Variants in SLC25A16 observed in about 807,000 individuals in gnomAD.
SLC25A16 encodes the protein solute carrier family 25 member 16.
SLC25A16 carries 39 observed loss-of-function variants against 41.5 expected under a neutral mutation model. The ratio of observed to expected loss-of-function variants is 0.94; its 90% confidence interval spans 0.73 to 1.23. The LOEUF is 1.23. Among genes scored for constraint, SLC25A16 ranks in the 50% most tolerant of loss-of-function variants. The pLI, the probability that SLC25A16 is intolerant of heterozygous loss-of-function variation, is 0.00. For missense variants in SLC25A16, 421 were observed against 426.9 expected (o/e 0.99, Z 0.12); for synonymous variants, 146 against 147.8 (o/e 0.99, Z 0.09).
intron 8 of SLC25A16, among the ~76,000 whole-genome samples, chr10:68,483,966 T>A (rs926789087): frequency 6.6e-6 from 1 of 152,136 alleles, no homozygotes; most frequent in Non-Finnish European, 1.5e-5. Flanking sequence ...GCTCGGCCCA[T>A]AATATTAATT....
In SLC25A16 at chr10:68,482,630, TG is replaced by T. The variant is rs1467213768; in HGVS notation, c.*801del. The stretch of plus-strand genomic sequence containing the variant: ...TATTCAGTATTTTTATTTCTGCCTC[TG>T]GGAAACACACTGACATTTTAAAACA... On this transcript the variant is annotated 3_prime_UTR_variant, in exon 9 of 9. Transcript: ENST00000609923. 1 of 152,260 alleles carries T rather than the reference TG, an allele frequency of 6.6e-6. No homozygotes were observed. Among genetic ancestry groups the T allele is most frequent in the Non-Finnish European group, 1.5e-5 (1 of 68,038 alleles). The allele number at this position is 152,260 out of a possible 1,614,324, so 9.4% of individuals were successfully genotyped here.
chr10:68,527,432 A>G lies in SLC25A16; in HGVS notation c.-57T>C. On this transcript the variant is annotated 5_prime_UTR_variant, in exon 1 of 9. Coordinates refer to ENST00000609923, the MANE Select transcript of SLC25A16 (RefSeq NM_152707.4). ...GCCAACTTACAGAACACCGGACGGG[A>G]CCATAGCCGGAACAGGCGGTGACAG... 1 of 1,407,234 alleles carries G rather than the reference A, an allele frequency of 7.1e-7. No individual in the cohort carries two copies. The highest frequency in any genetic ancestry group is 9.2e-7 in the Non-Finnish European group (1 of 1,088,386). 87.2% of individuals were successfully genotyped at this position (1,407,234 alleles called of 1,614,324 possible). A position where few individuals can be genotyped will look rare whatever the true frequency, so the allele number is the denominator to read the frequency against.
At position 68,496,438 on chromosome 10, in the gene SLC25A16, A is replaced by C. The variant is rs1005417039; in HGVS notation, c.422-2868T>G. 4 of 975,888 alleles carry C rather than the reference A, an allele frequency of 4.1e-6. No homozygotes were observed. In the Admixed American group the frequency reaches 1.8e-4, roughly 45 times the overall value. The allele number at this position is 975,888 out of a possible 1,614,324, so 60.5% of individuals were successfully genotyped here. ...GGCAAATCAGAAACTGCTTACCTTG[A>C]ATAGTGGTGGTAACAGCTTTCTTCT... On this transcript the variant is annotated intron_variant, in intron 4 of 8. Coordinates refer to ENST00000609923, the MANE Select transcript of SLC25A16 (RefSeq NM_152707.4).
At chr10:68,524,693 G>A (rs939347115) in intron 1 of SLC25A16, among the ~76,000 whole-genome samples, 1 of 142,442 alleles carries the variant, frequency 7.0e-6, no homozygotes, top group Non-Finnish European at 1.5e-5. Context: ...GGGCTACATA[G>A]TGAGACTCCA....
intron 2 of SLC25A16, among the ~76,000 whole-genome samples, chr10:68,516,258 T>A (rs2053159585): frequency 6.6e-6 from 1 of 152,156 alleles, no homozygotes; most frequent in Non-Finnish European, 1.5e-5. Context: ...ACCCTACTGC[T>A]GTGTCCAGTT....
rs113535993 is a variant in SLC25A16, at chr10:68,508,097, G to A, written c.224-1379C>T. ...AATACAAAAATTAGGCAGGCATGGTGTCGTGCGCCTGTAATCCCAGCTACT... is the reference window on the plus strand; with the variant it reads ...AATACAAAAATTAGGCAGGCATGGTATCGTGCGCCTGTAATCCCAGCTACT... On this transcript the variant is annotated intron_variant, in intron 2 of 8. Coordinates refer to ENST00000609923, the MANE Select transcript of SLC25A16 (RefSeq NM_152707.4). Among the ~76,000 whole-genome samples the A allele has an allele frequency of 1.8e-4, 27 of 152,194 alleles. 3 individuals carry two copies. The highest frequency in any genetic ancestry group is 6.5e-4 in the African/African-American group (27 of 41,538).
chr10:68,527,342 C>CCGCCAGGGCTGCCGCGGCCGT lies in SLC25A16; in HGVS notation c.13_33dup (p.Thr5_Ala11dup), dbSNP rs777194064. 1.2e-5 allele frequency: 18 copies of CCGCCAGGGCTGCCGCGGCCGT among 1,524,036 alleles called. No individual in the cohort carries two copies. In the South Asian group the frequency reaches 2.1e-4, roughly 18 times the overall value. The allele number at this position is 1,524,036 out of a possible 1,614,324, so 94.4% of individuals were successfully genotyped here. A position where few individuals can be genotyped will look rare whatever the true frequency, so the allele number is the denominator to read the frequency against. On this transcript the variant is annotated inframe_insertion, in exon 1 of 9. Transcript: ENST00000609923. Reference sequence around the variant, plus strand: ...GGCATTGCGGGAGGGGGATCGGCCGCCGCCAGGGCTGCCGCGGCCGTCGCC... The same window carrying CCGCCAGGGCTGCCGCGGCCGT: ...GGCATTGCGGGAGGGGGATCGGCCGCCGCCAGGGCTGCCGCGGCCGTCGCCAGGGCTGCCGCGGCCGTCGCC...
Position 68,506,711 on chromosome 10 carries a change from A to G in SLC25A16, c.231T>C (p.Phe77=), listed in dbSNP as rs752047949. Residue 77 remains phenylalanine, a synonymous_variant, in exon 3 of 9, where the codon TTT becomes TTC. Transcript: ENST00000609923. ...TTTGAGGAACAGCACGCAATGCAGA[A>G]AATACTCCTATTTTTAGAGGAAAAA... ...HNHHYKHLGV[F]SALRAVPQKE... The G allele has an allele frequency of 1.3e-6, 2 of 1,567,542 alleles. No homozygotes were observed. Among genetic ancestry groups the G allele is most frequent in the East Asian group, 2.3e-5 (1 of 43,184 alleles).
At chr10:68,513,897 T>C (rs765230922) in intron 2 of SLC25A16, among the ~76,000 whole-genome samples, 2 of 151,326 alleles carry the variant, frequency 1.3e-5, no homozygotes, top group East Asian at 3.9e-4. Flanking sequence ...AAAAAAAAGC[T>C]AACGCAAATA....
chr10:68,507,070 CTTTTT>C (rs71019019), intron 2 of SLC25A16, among the ~76,000 whole-genome samples: 46 of 115,594 alleles, frequency 4.0e-4, no homozygotes, highest in Non-Finnish European at 6.3e-4. Context: ...ATGACCTACT[CTTTTT>C]TTTTTTTTTT....
At position 68,479,155 on chromosome 10, in the gene SLC25A16, G is replaced by C. The variant is rs2052457956; in HGVS notation, c.*4277C>G. On this transcript the variant is annotated 3_prime_UTR_variant, in exon 9 of 9. Transcript: ENST00000609923. Reference sequence around the variant, plus strand: ...TTTATTCCTAAATTGTTTATTTCTTGAACTATTTGTGCTTCATTTCTGCCT... The same window carrying C: ...TTTATTCCTAAATTGTTTATTTCTTCAACTATTTGTGCTTCATTTCTGCCT... 1 of 152,126 alleles carries C rather than the reference G, an allele frequency of 6.6e-6. No individual in the cohort carries two copies. The highest frequency in any genetic ancestry group is 2.4e-5 in the African/African-American group (1 of 41,410). 9.4% of individuals were successfully genotyped at this position (152,126 alleles called of 1,614,324 possible).
chr10:68,506,228 G>A (rs1039430480), intron 3 of SLC25A16, among the ~76,000 whole-genome samples: 1 of 151,804 alleles, frequency 6.6e-6, no homozygotes, highest in Non-Finnish European at 1.5e-5. Flanking sequence ...CAACACTTTG[G>A]GAGGCCAGGA....
chr10:68,507,070 CTTTTTTTTTTT>C (rs71019019), intron 2 of SLC25A16, among the ~76,000 whole-genome samples: 1 of 115,634 alleles, frequency 8.6e-6, no homozygotes, highest in Non-Finnish European at 1.7e-5. Flanking sequence ...ATGACCTACT[CTTTTTTTTTTT>C]TTTTTTTTTT....
chr10:68,499,607 A>T (rs994034024), intron 4 of SLC25A16: 1 of 323,664 alleles, frequency 3.1e-6, no homozygotes, highest in Admixed American at 3.2e-5. Context: ...ATCCAACATT[A>T]GCAGGAAGAT....
At chr10:68,488,182 T>C (rs964575429) in intron 7 of SLC25A16, among the ~76,000 whole-genome samples, 1 of 152,048 alleles carries the variant, frequency 6.6e-6, no homozygotes. Flanking sequence ...AAGGTCTCAC[T>C]ATGTCTCCCA....
intron 3 of SLC25A16, among the ~76,000 whole-genome samples, chr10:68,504,764 T>A (rs1369610938): frequency 2.6e-5 from 4 of 152,180 alleles, no homozygotes; most frequent in South Asian, 4.2e-4. Flanking sequence ...CACTGCAACC[T>A]CCGTATCCCG....
rs758916421 is a variant in SLC25A16 at position 68,483,533 on chromosome 10, G to A, written c.898C>T (p.Leu300Phe). The A allele has an allele frequency of 1.2e-6, 2 of 1,611,362 alleles. No individual in the cohort carries two copies. The highest frequency in any genetic ancestry group is 1.7e-6 in the Non-Finnish European group (2 of 1,178,244). ...TAATTAAGAGATAAACCACGATAGA[G>A]TCCTTTTCGAATTCCATGGTGTCCA... ...VYGHHGIRKG[L>F]YRGLSLNYIR... is the part of the protein sequence containing the mutation. Residue 300 changes from leucine to phenylalanine, a missense_variant, in exon 9 of 9, where the codon CTC (leucine) becomes TTC (phenylalanine). By Grantham distance (22) the Leu-to-Phe change is conservative. Coordinates refer to ENST00000609923, the MANE Select transcript of SLC25A16 (RefSeq NM_152707.4).
chr10:68,498,857 C>T (rs566759003), intron 4 of SLC25A16, among the ~76,000 whole-genome samples: 35 of 152,212 alleles, frequency 2.3e-4, no homozygotes, highest in South Asian at 4.1e-4. Flanking sequence ...ACTGCCTTTG[C>T]CATAGTGGTT....
At chr10:68,511,113 T>C (rs1190385341) in intron 2 of SLC25A16, among the ~76,000 whole-genome samples, 2 of 151,080 alleles carry the variant, frequency 1.3e-5, no homozygotes, top group African/African-American at 4.9e-5. Context: ...TGGCAGGCAC[T>C]TGTAATTCCA....
Sources: gnomAD v4.1 joint callset for allele counts (sites outside exome capture counted in the v4.1 genomes callset) on GRCh38, gnomAD v4.1.1 for gene constraint, MANE v1.5 for transcripts, NCBI Gene and HGNC (gene_info 2026-07-23, HGNC 2026-07-21) for gene names.